Variants in PEX5 observed in about 807,000 individuals in gnomAD.
PEX5 encodes peroxisomal biogenesis factor 5, also known as PTS1 receptor.
In PEX5, 52 loss-of-function variants were observed where a neutral mutation model predicts 82.9. The observed-to-expected ratio is 0.63, with a 90% CI of 0.50 to 0.79. The LOEUF is 0.79. Ranked by LOEUF, PEX5 falls within the 30% of genes least tolerant of loss-of-function variation. The pLI is 0.00. For missense variants in PEX5, 719 were observed against 815.2 expected, an observed-to-expected ratio of 0.88 and a Z score of 1.44; for synonymous variants, 300 against 318.8, an observed-to-expected ratio of 0.94 and a Z score of 0.63.
chr12:7,191,961 T>C (rs1941225724), intron 5 of PEX5, among the ~76,000 whole-genome samples: 1 of 152,084 alleles, frequency 6.6e-6, no homozygotes, highest in African/African-American at 2.4e-5. Context: ...ATCACTGTGG[T>C]TTAGTGGAGA....
downstream of PEX5, among the ~76,000 whole-genome samples, chr12:7,214,282 C>T (rs965802535): frequency 5.9e-5 from 9 of 151,894 alleles, no homozygotes; most frequent in Admixed American, 1.3e-4. Flanking sequence ...ATGTTTATTG[C>T]GGCACTATTC....
chr12:7,197,358 GTAA>G (rs1197216624), intron 5 of PEX5, among the ~76,000 whole-genome samples: 21 of 140,164 alleles, frequency 1.5e-4, no homozygotes, highest in East Asian at 4.3e-4. Context: ...CATATACAAT[GTAA>G]TAATTATATA....
chr12:7,217,302 C>T (rs965313924), intron 17 of PEX5, among the ~76,000 whole-genome samples: 2 of 152,184 alleles, frequency 1.3e-5, no homozygotes, highest in African/African-American at 4.8e-5. Flanking sequence ...AAAACCACTC[C>T]AAAATTTAGT....
rs267608194 is a variant in PEX5 at position 7,202,684 on chromosome 12, C to T, written c.826C>T (p.Arg276Ter). The change falls in exon 9 of 16, where the codon CGA becomes TGA. Residue 276 changes from arginine (R) to a stop codon, truncating the protein, a stop_gained. Coordinates refer to ENST00000675855, the MANE Select transcript of PEX5 (RefSeq NM_001351132.2). LOFTEE classifies it high-confidence loss of function. ...ATCTGCCCTTGATATGGAGTTTGAA[C>T]GAGCCAAGTCAGCTATAGAGGTGAG... Reference protein sequence around the residue: ...NTSALDMEFERAKSAIESDVD... With the variant: ...NTSALDMEFE The T allele has an allele frequency of 2.5e-6, 4 of 1,613,656 alleles. No individual in the cohort carries two copies. The highest frequency in any genetic ancestry group is 3.4e-6 in the Non-Finnish European group (4 of 1,179,660).
chr12:7,214,965 ATAACCCAAATT>A (rs1321543891), downstream of PEX5, among the ~76,000 whole-genome samples: 2 of 152,168 alleles, frequency 1.3e-5, no homozygotes, highest in African/African-American at 4.8e-5. Context: ...ATTATTGTTG[ATAACCCAAATT>A]TATCAGAGAC....
chr12:7,197,538 A>ATAATTATGTG (rs1565689827), intron 5 of PEX5, among the ~76,000 whole-genome samples: 13 of 119,402 alleles, frequency 1.1e-4, no homozygotes, highest in Non-Finnish European at 1.8e-4. Flanking sequence ...ATATAATGTA[A>ATAATTATGTG]TTATATATGT....
At chr12:7,200,338 T>C (rs1423518427) in intron 6 of PEX5, among the ~76,000 whole-genome samples, 7 of 144,792 alleles carry the variant, frequency 4.8e-5, no homozygotes, top group African/African-American at 1.6e-4. Context: ...GGATGGCGGC[T>C]GGGAAGAGGC....
At position 7,190,874 on chromosome 12, in the gene PEX5, T is replaced by G. The variant is rs111277807; in HGVS notation, c.148-14T>G. On this transcript the variant is annotated splice_polypyrimidine_tract_variant and intron_variant, in intron 2 of 15. Transcript: ENST00000675855. ...GGAACTGCGTCATTGTACATCTCTG[T>G]CTTTCTCTCTTAGGCCTCCAAGCCT... 6.2e-7 allele frequency: 1 copy of G among 1,611,654 alleles called. No homozygotes were observed. Among genetic ancestry groups the G allele is most frequent in the Admixed American group, 1.7e-5 (1 of 60,006 alleles).
chr12:7,202,273 G>T lies in PEX5; in HGVS notation c.675G>T (p.Gly225=), dbSNP rs1196111788. The T allele has an allele frequency of 6.2e-7, 1 of 1,614,150 alleles. No individual in the cohort carries two copies. Among genetic ancestry groups the T allele is most frequent in the Non-Finnish European group, 8.5e-7 (1 of 1,180,030 alleles). The change falls in exon 8 of 16, where the codon GGG becomes GGT. Residue 225 remains glycine (G), a synonymous_variant. Coordinates refer to ENST00000675855, the MANE Select transcript of PEX5 (RefSeq NM_001351132.2). ...FLKFVRQIGE[G]QVSLESGAGS... is the part of the protein sequence containing the mutation. ...AATTCGTGCGGCAGATTGGCGAAGG[G>T]CAGGTGTCCCTGGAGTCCGGTGCAG...
intron 5 of PEX5, among the ~76,000 whole-genome samples, chr12:7,192,110 T>C (rs1258140886): frequency 6.6e-6 from 1 of 152,198 alleles, no homozygotes; most frequent in African/African-American, 2.4e-5. Context: ...GCCTGAAGTG[T>C]ATGGCTTTAG....
At chr12:7,189,173 C>T (rs929423241), upstream of PEX5, 1 of 152,200 alleles carries the variant, frequency 6.6e-6, no homozygotes, top group Admixed American at 6.5e-5. Flanking sequence ...GACGCTACCC[C>T]GCTAGGGGTT....
At chr12:7,200,085 C>T (rs1943556742) in intron 6 of PEX5, among the ~76,000 whole-genome samples, 1 of 138,982 alleles carries the variant, frequency 7.2e-6, no homozygotes, top group Non-Finnish European at 1.6e-5. Context: ...CCCCACCTCC[C>T]TCCCGGACGG....
At position 7,210,075 on chromosome 12, in the gene PEX5, G is replaced by GC; in HGVS notation, c.1777dup (p.Arg593ProfsTer3). 1 of 1,614,224 alleles carries GC rather than the reference G, an allele frequency of 6.2e-7. No individual in the cohort carries two copies. The highest frequency in any genetic ancestry group is 8.5e-7 in the Non-Finnish European group (1 of 1,180,046). On this transcript the variant is annotated frameshift_variant, in exon 16 of 16. Transcript: ENST00000675855. LOFTEE classifies it high-confidence loss of function. The stretch of plus-strand genomic sequence containing the variant: ...CTGAACATGCAGAGGAAAAGCCGGG[G>GC]CCCCCGGGGTGAAGGAGGTGCCATG...
chr12:7,210,060 A>G lies in PEX5; in HGVS notation c.1757A>G (p.Gln586Arg), dbSNP rs1189739155. The change falls in exon 16 of 16, where the codon CAG becomes CGG. Residue 586 changes from glutamine to arginine, a missense_variant. Physicochemically the swap from Gln to Arg is conservative, Grantham distance 43. Transcript: ENST00000675855. ...VEHFLEALNM[Q>R]RKSRGPRGEG... is the part of the protein sequence containing the mutation. ...CACTTTCTGGAGGCCCTGAACATGCAGAGGAAAAGCCGGGGCCCCCGGGGT... is the reference window on the plus strand; with the variant it reads ...CACTTTCTGGAGGCCCTGAACATGCGGAGGAAAAGCCGGGGCCCCCGGGGT... 1 of 1,614,084 alleles carries G rather than the reference A, an allele frequency of 6.2e-7. No homozygotes were observed. Among genetic ancestry groups the G allele is most frequent in the East Asian group, 2.2e-5 (1 of 44,904 alleles).
intron 10 of PEX5, 127 bp downstream of exon 10, chr12:7,203,678 G>C (rs1591768125): frequency 2.2e-6 from 2 of 898,348 alleles, no homozygotes; most frequent in East Asian, 5.4e-5. Flanking sequence ...AAAGAAGTCT[G>C]AATAATTCCC....
rs1297366455 is a variant in PEX5 at position 7,207,782 on chromosome 12, C to A, written c.1090C>A (p.Gln364Lys). 9 of 1,613,994 alleles carry A rather than the reference C, an allele frequency of 5.6e-6. No individual in the cohort carries two copies. In the South Asian group the frequency reaches 9.9e-5, roughly 18 times the overall value. ...GCTGCTTTTTGAGGCAGCTGTGCAG[C>A]AGGATCCTAAGCACATGGAAGTGAG... ...AVLLFEAAVQ[Q>K]DPKHMEAWQY... is the part of the protein sequence containing the mutation. Residue 364 changes from glutamine (Q) to lysine (K), a missense_variant, in exon 11 of 16, where the codon CAG becomes AAG. Coordinates refer to ENST00000675855, the MANE Select transcript of PEX5 (RefSeq NM_001351132.2).
Position 7,210,010 on chromosome 12 carries a change from T to A in PEX5, c.1719-12T>A. The A allele has an allele frequency of 6.2e-7, 1 of 1,614,030 alleles. No individual in the cohort carries two copies. The highest frequency in any genetic ancestry group is 2.2e-5 in the East Asian group (1 of 44,882). ...TCAGCTTAACAGCTCTCATTCCTCT[T>A]CTTCCTTACAGGGAGGCTGTGGAGC... On this transcript the variant is annotated splice_polypyrimidine_tract_variant and intron_variant, in intron 15 of 15. Coordinates refer to ENST00000675855, the MANE Select transcript of PEX5 (RefSeq NM_001351132.2).
At chr12:7,199,399 G>A (rs1428151733) in intron 6 of PEX5, among the ~76,000 whole-genome samples, 3 of 148,192 alleles carry the variant, frequency 2.0e-5, no homozygotes, top group Non-Finnish European at 4.5e-5. Context: ...AGGGAGTGGT[G>A]ATGACTCTTA....
intron 5 of PEX5, among the ~76,000 whole-genome samples, chr12:7,197,487 TAATTA>T (rs1942939218): frequency 1.4e-5 from 2 of 145,196 alleles, no homozygotes; most frequent in African/African-American, 2.5e-5. Context: ...TATAATATAA[TAATTA>T]TATATGTTAT....
Sources: allele counts gnomAD v4.1 joint callset (sites outside exome capture counted in the v4.1 genomes callset), GRCh38; gene constraint gnomAD v4.1.1; transcripts MANE v1.5; gene names NCBI Gene and HGNC (gene_info 2026-07-23, HGNC 2026-07-21).